The following PTAFR variants were observed in gnomAD, a reference collection of about 807,000 sequenced individuals.
PTAFR encodes platelet activating factor receptor.
In PTAFR, 8 loss-of-function variants were observed where a neutral mutation model predicts 14.7. That is an observed-to-expected ratio of 0.54 (90% CI 0.32 to 0.98). The LOEUF (loss-of-function observed/expected upper bound fraction) is 0.98, where lower values mean the gene tolerates loss of function less well. PTAFR is among the 50% of genes least tolerant of loss of function. The probability of loss-of-function intolerance (pLI) is 0.04; values close to 1 mark genes in which losing one functional copy is unlikely to be tolerated. For missense variants in PTAFR, 337 were observed against 451.2 expected, an observed-to-expected ratio of 0.75 and a Z score of 2.29; for synonymous variants, 156 against 176.5, an observed-to-expected ratio of 0.88 and a Z score of 0.92.
intron 1 of PTAFR, among the ~76,000 whole-genome samples, chr1:28,184,082 GTTTTTTTTT>G (rs1165813776): frequency 2.8e-4 from 23 of 82,410 alleles, no homozygotes; most frequent in Non-Finnish European, 4.0e-4. Context: ...CCATTAGTCT[GTTTTTTTTT>G]TTTTTTTTTT....
chr1:28,187,791 T>C (rs1189267904), intron 1 of PTAFR, among the ~76,000 whole-genome samples: 2 of 152,196 alleles, frequency 1.3e-5, no homozygotes, highest in Non-Finnish European at 2.9e-5. Context: ...CCAAGAAAAC[T>C]TCTTAAATTA....
chr1:28,160,835 C>T (rs34924188), intron 1 of PTAFR, among the ~76,000 whole-genome samples: 1 of 152,270 alleles, frequency 6.6e-6, no homozygotes, highest in South Asian at 2.1e-4. Flanking sequence ...ACCCGTCATC[C>T]TGGCTCTTCC....
rs1203781639 is a variant in PTAFR, at chr1:28,150,376, G to C, written c.646C>G (p.Gln216Glu). Residue 216 changes from glutamine (Q) to glutamate (E), a missense_variant, in exon 2 of 2, where the codon CAG (glutamine) becomes GAG (glutamate). Gln to Glu is a conservative substitution (Grantham distance 29, BLOSUM62 2). Coordinates refer to ENST00000373857, the MANE Select transcript of PTAFR (RefSeq NM_000952.5). The surrounding 1 kb of genome is among the most constrained non-coding windows in gnomAD (Gnocchi z 6.3). ...GCGTTGCGCTGCTGCTGCACCGGCT[G>C]CATGAGCAAGGTACGGATGATGACC... ...NLVIIRTLLM[Q>E]PVQQQRNAEV... The C allele has an allele frequency of 6.2e-7, 1 of 1,614,010 alleles. No homozygotes were observed.
chr1:28,173,301 G>A (rs1186108007), intron 1 of PTAFR, among the ~76,000 whole-genome samples: 1 of 101,482 alleles, frequency 9.9e-6, no homozygotes, highest in Non-Finnish European at 2.0e-5. Context: ...AAAAAAAAGG[G>A]GGGGGGGTGT....
intron 1 of PTAFR, among the ~76,000 whole-genome samples, chr1:28,175,451 TC>T (rs1243528445): frequency 1.3e-5 from 2 of 149,540 alleles, no homozygotes; most frequent in Non-Finnish European, 3.0e-5. Flanking sequence ...CCCTACCGCC[TC>T]CCCCAACACA....
At chr1:28,155,499 C>T (rs1386304880) in intron 1 of PTAFR, among the ~76,000 whole-genome samples, 1 of 152,144 alleles carries the variant, frequency 6.6e-6, no homozygotes, top group Non-Finnish European at 1.5e-5. Context: ...TGAGCCATCT[C>T]GCCTGGCTCC....
intron 1 of PTAFR, among the ~76,000 whole-genome samples, chr1:28,173,105 C>CAA (rs68034962): frequency 0.018 from 880 of 48,200 alleles, 10 homozygotes; most frequent in African/African-American, 0.035. Context: ...CCCGTTTCCA[C>CAA]AAAAAAAAAA....
intron 1 of PTAFR, among the ~76,000 whole-genome samples, chr1:28,174,717 G>A (rs1465566761): frequency 6.6e-6 from 1 of 152,152 alleles, no homozygotes; most frequent in East Asian, 1.9e-4. Flanking sequence ...ATGCTATGTT[G>A]CAAACCCTGT....
intron 1 of PTAFR, among the ~76,000 whole-genome samples, chr1:28,167,633 ATTTTTTTT>A (rs780344665): frequency 1.0e-4 from 8 of 80,252 alleles, no homozygotes; most frequent in African/African-American, 3.3e-4. Context: ...TGAAAACGGG[ATTTTTTTT>A]TTTTTTTTTT....
At position 28,150,219 on chromosome 1, in the gene PTAFR, T is replaced by A. The variant is rs1457386934; in HGVS notation, c.803A>T (p.His268Leu). ...CTGATGTGCATCATTAATGGCCTGG[T>A]GGAATTTGCTGTCCTGGAAGCCCAG... ...AELGFQDSKF[H>L]QAINDAHQVT... The change falls in exon 2 of 2, where the codon CAC (histidine) becomes CTC (leucine). Residue 268 changes from histidine to leucine, a missense_variant. By Grantham distance (99) the His-to-Leu change is moderately conservative. Transcript: ENST00000373857. The surrounding 1 kb of genome is among the most constrained non-coding windows in gnomAD (Gnocchi z 6.3). The A allele has an allele frequency of 8.7e-6, 14 of 1,613,484 alleles. No individual in the cohort carries two copies. Among genetic ancestry groups the A allele is most frequent in the Non-Finnish European group, 1.2e-5 (14 of 1,179,660 alleles).
intron 1 of PTAFR, among the ~76,000 whole-genome samples, chr1:28,186,063 C>T (rs568092069): frequency 6.6e-6 from 1 of 152,192 alleles, no homozygotes; most frequent in African/African-American, 2.4e-5. Flanking sequence ...CTGCAACCTC[C>T]GCCTCCTGGG....
At chr1:28,166,664 C>G (rs1646388901) in intron 1 of PTAFR, among the ~76,000 whole-genome samples, 1 of 150,940 alleles carries the variant, frequency 6.6e-6, no homozygotes, top group Non-Finnish European at 1.5e-5. Context: ...GAGCAAGACT[C>G]CATCTCAAAA....
At position 28,175,324 on chromosome 1, in the gene PTAFR, C is replaced by T. The variant is rs532902695; in HGVS notation, c.-39+1268G>A. On this transcript the variant is annotated intron_variant, in intron 1 of 1. Coordinates refer to ENST00000373857, the MANE Select transcript of PTAFR (RefSeq NM_000952.5). Reference sequence around the variant, plus strand: ...CTGAGATCGAAACCCCGGATGCCCACCTGAGGCCCAGGACCCAGTCATCTA... The same window carrying T: ...CTGAGATCGAAACCCCGGATGCCCATCTGAGGCCCAGGACCCAGTCATCTA... Among the ~76,000 whole-genome samples the T allele has an allele frequency of 9.6e-4, 146 of 152,108 alleles. 1 individual carries two copies. The highest frequency in any genetic ancestry group is 6.9e-3 in the South Asian group (33 of 4,816).
Position 28,164,487 on chromosome 1 carries a change from G to GC in PTAFR, c.-39+12104dup, listed in dbSNP as rs1391564949. On this transcript the variant is annotated intron_variant, in intron 1 of 1. Coordinates refer to ENST00000373857, the MANE Select transcript of PTAFR (RefSeq NM_000952.5). ...GCTCTGTGGGGATCATGAGGCTGGA[G>GC]CCCCCCTAATTTCAAGACACTGGGC... 2.0e-5 allele frequency among the ~76,000 whole-genome samples: 3 copies of GC among 152,064 alleles called. No homozygotes were observed. The East Asian group carries it at 5.8e-4, about 29-fold the overall frequency.
rs376426693 is a variant in PTAFR, at chr1:28,165,611, G to A, written c.-39+10981C>T. Among the ~76,000 whole-genome samples, 12 of 150,404 alleles carry A rather than the reference G, an allele frequency of 8.0e-5. No individual in the cohort carries two copies. In the East Asian group the frequency reaches 2.4e-3, roughly 30 times the overall value. Reference sequence around the variant, plus strand: ...ATCCTGGCTAACACAGTGAAACCCCGTCTCTACTAAAAATACAAAAAATTA... The same window carrying A: ...ATCCTGGCTAACACAGTGAAACCCCATCTCTACTAAAAATACAAAAAATTA... On this transcript the variant is annotated intron_variant, in intron 1 of 1. Transcript: ENST00000373857.
At chr1:28,178,819 C>T (rs529713538), upstream of PTAFR, among the ~76,000 whole-genome samples, 2 of 152,194 alleles carry the variant, frequency 1.3e-5, no homozygotes, top group East Asian at 1.9e-4. Context: ...CGAGTTCATG[C>T]GTCCATACTG....
intron 1 of PTAFR, among the ~76,000 whole-genome samples, chr1:28,152,231 G>A (rs768379746): frequency 3.3e-5 from 5 of 152,038 alleles, no homozygotes; most frequent in African/African-American, 4.8e-5. Context: ...ATAATGGTGT[G>A]TTTTTACAAT....
At chr1:28,153,410 G>A (rs1169303184) in intron 1 of PTAFR, among the ~76,000 whole-genome samples, 1 of 151,956 alleles carries the variant, frequency 6.6e-6, no homozygotes, top group African/African-American at 2.4e-5. Context: ...CCCAGCTGGG[G>A]CTAAGCAAGG....
chr1:28,178,453 G>C (rs1034411347), upstream of PTAFR, among the ~76,000 whole-genome samples: 1 of 151,754 alleles, frequency 6.6e-6, no homozygotes, highest in Non-Finnish European at 1.5e-5. Flanking sequence ...TAGAGACGGG[G>C]TTTCACCATG....
Sources: allele counts gnomAD v4.1 joint callset (sites outside exome capture counted in the v4.1 genomes callset), GRCh38; gene constraint gnomAD v4.1.1; non-coding constraint Gnocchi (gnomAD v3.1); transcripts MANE v1.5; gene names NCBI Gene and HGNC (gene_info 2026-07-23, HGNC 2026-07-21).